INPP5F: variants seen among roughly 807,000 people sequenced by gnomAD.
The protein encoded by INPP5F is inositol polyphosphate-5-phosphatase F, also known as phosphatidylinositide 4-phosphatase SAC2.
In INPP5F, 97 loss-of-function variants were observed where a neutral mutation model predicts 137.2. The observed-to-expected ratio is 0.71, with a 90% confidence interval of 0.60 to 0.84. The LOEUF (loss-of-function observed/expected upper bound fraction) is 0.84. Among genes scored for constraint, INPP5F ranks in the 40% least tolerant of loss-of-function variants. The probability of loss-of-function intolerance (pLI) is 0.00; values close to 1 mark genes in which losing one functional copy is unlikely to be tolerated. For synonymous variants in INPP5F, 504 were observed against 476.9 expected (o/e 1.06, Z -0.74); for missense variants, 1,271 against 1,371.9 (o/e 0.93, Z 1.16).
At chr10:119,749,852 C>T (rs1004114174) in intron 1 of INPP5F, among the ~76,000 whole-genome samples, 1 of 152,168 alleles carries the variant, frequency 6.6e-6, no homozygotes, top group African/African-American at 2.4e-5. Flanking sequence ...GATCTTGGCT[C>T]GCTGCAACCT....
chr10:119,773,138 C>T (rs1439065019), intron 2 of INPP5F, among the ~76,000 whole-genome samples: 1 of 152,016 alleles, frequency 6.6e-6, no homozygotes, highest in Non-Finnish European at 1.5e-5. Context: ...CTTACTGCAA[C>T]CTTCGCCTCC....
intron 12 of INPP5F, among the ~76,000 whole-genome samples, chr10:119,807,637 T>C (rs953764704): frequency 4.6e-5 from 7 of 152,222 alleles, no homozygotes; most frequent in East Asian, 1.9e-4. Context: ...TTTTTTGATA[T>C]TCAGTTTCAC....
rs536701327 is a variant in INPP5F, at chr10:119,758,160, T to C, written c.178+7004T>C. Among the ~76,000 whole-genome samples, 40 of 152,358 alleles carry C rather than the reference T, an allele frequency of 2.6e-4. No homozygotes were observed. The South Asian group carries it at 8.1e-3, about 31-fold the overall frequency. On this transcript the variant is annotated intron_variant, in intron 2 of 19. Coordinates refer to ENST00000650623, the MANE Select transcript of INPP5F (RefSeq NM_014937.4). ...TCACACAGTTTTACCATTAAAAATG[T>C]AATCATCTGAAGACAAGTGTGGGGT...
intron 2 of INPP5F, among the ~76,000 whole-genome samples, chr10:119,780,636 G>A (rs1476072776): frequency 2.0e-5 from 3 of 152,050 alleles, no homozygotes; most frequent in Non-Finnish European, 4.4e-5. Flanking sequence ...ATGTACAGTC[G>A]GCCCTGTGTA....
At chr10:119,785,284 C>CTTTTTTTTTTTTTTTTTTT (rs1440327192) in intron 3 of INPP5F, among the ~76,000 whole-genome samples, 2 of 81,608 alleles carry the variant, frequency 2.5e-5, no homozygotes, top group East Asian at 3.1e-4. Flanking sequence ...AACTGCCAGA[C>CTTTTTTTTTTTTTTTTTTT]TGTTTTTTTT....
intron 6 of INPP5F, among the ~76,000 whole-genome samples, chr10:119,794,406 C>G (rs1481969066): frequency 6.6e-6 from 1 of 152,072 alleles, no homozygotes; most frequent in Non-Finnish European, 1.5e-5. Flanking sequence ...TGAAAAGTCT[C>G]CCACGTCTAC....
chr10:119,766,950 T>C (rs1001103610), intron 2 of INPP5F, among the ~76,000 whole-genome samples: 1 of 151,038 alleles, frequency 6.6e-6, no homozygotes, highest in Non-Finnish European at 1.5e-5. Flanking sequence ...ACTAAAAATA[T>C]GAAAATTAGC....
intron 15 of INPP5F, chr10:119,819,218 CTTTTT>C (rs869037124): frequency 7.0e-5 from 2 of 28,588 alleles, no homozygotes; most frequent in African/African-American, 2.0e-4. Context: ...ATTGAACGTG[CTTTTT>C]TTTTTTTTTT....
chr10:119,780,871 A>T (rs1273976091), intron 2 of INPP5F, among the ~76,000 whole-genome samples: 4 of 152,198 alleles, frequency 2.6e-5, no homozygotes, highest in Non-Finnish European at 5.9e-5. Flanking sequence ...GGTTATATAC[A>T]AATACTACAC....
intron 6 of INPP5F, among the ~76,000 whole-genome samples, chr10:119,795,980 A>ACTC (rs1850364953): frequency 6.7e-6 from 1 of 149,730 alleles, no homozygotes; most frequent in Non-Finnish European, 1.5e-5. Flanking sequence ...CGGCAGGCTG[A>ACTC]GGCAGGAGAA....
chr10:119,770,012 A>G (rs1365967333), intron 2 of INPP5F, among the ~76,000 whole-genome samples: 1 of 152,206 alleles, frequency 6.6e-6, no homozygotes, highest in African/African-American at 2.4e-5. Flanking sequence ...TTTATCCTAC[A>G]GTTGCTCATC....
intron 2 of INPP5F, among the ~76,000 whole-genome samples, chr10:119,763,345 G>C (rs189128064): frequency 6.6e-6 from 1 of 152,148 alleles, no homozygotes; most frequent in Non-Finnish European, 1.5e-5. Context: ...CTATCCTCAC[G>C]GCATCTGGCA....
chr10:119,729,082 T>G (rs1160207920), intron 1 of INPP5F, among the ~76,000 whole-genome samples: 1 of 152,170 alleles, frequency 6.6e-6, no homozygotes, highest in East Asian at 1.9e-4. Context: ...TATCATTGCC[T>G]TAAAAATAAG....
rs755439970 is a variant in INPP5F at position 119,826,800 on chromosome 10, A to G, written c.2419A>G (p.Thr807Ala). 1.2e-6 allele frequency: 2 copies of G among 1,613,786 alleles called. No homozygotes were observed. Among genetic ancestry groups the G allele is most frequent in the East Asian group, 4.5e-5 (2 of 44,890 alleles). The change falls in exon 20 of 20, where the codon ACC becomes GCC. Residue 807 changes from threonine (T) to alanine (A), a missense_variant. Around this residue, in one of 6 missense-constraint regions of INPP5F, gnomAD observed 490 missense variants for 443.7 expected, o/e 1.10. Transcript: ENST00000650623. ...IGNLRKLGNF[T>A]KPEMKVNFLK... ...CAACCTCCGAAAGCTAGGAAACTTT[A>G]CCAAACCTGAAATGAAAGTTAACTT... is the stretch of plus-strand genomic sequence containing the variant.
At chr10:119,751,367 C>T (rs2134124999) in intron 2 of INPP5F, among the ~76,000 whole-genome samples, 2 of 152,296 alleles carry the variant, frequency 1.3e-5, no homozygotes, top group South Asian at 4.1e-4. Context: ...AAAGAGTAAT[C>T]ATGGAAATAA....
chr10:119,820,396 A>G (rs1851507887), intron 15 of INPP5F, among the ~76,000 whole-genome samples: 1 of 152,244 alleles, frequency 6.6e-6, no homozygotes, highest in Admixed American at 6.5e-5. Context: ...AAGTCTTTCA[A>G]AAGATGCCTT....
chr10:119,827,097 C>T lies in INPP5F; in HGVS notation c.2716C>T (p.Gln906Ter). 2 of 1,614,206 alleles carry T rather than the reference C, an allele frequency of 1.2e-6. No individual in the cohort carries two copies. Among genetic ancestry groups the T allele is most frequent in the South Asian group, 1.1e-5 (1 of 91,084 alleles). Residue 906 changes from glutamine (Q) to a stop codon, truncating the protein, a stop_gained, in exon 20 of 20, where the codon CAG becomes TAG. Coordinates refer to ENST00000650623, the MANE Select transcript of INPP5F (RefSeq NM_014937.4). LOFTEE classifies it high-confidence loss of function. ...AGCGCCTCGATTGGGCAGTCGGTCC[C>T]AGTCTCTTAGCAGCACAGATAGTAG... ...ASAPRLGSRSQSLSSTDSSVH... is the reference protein window; with the variant it reads ...ASAPRLGSRS
In INPP5F at chr10:119,828,170, T is replaced by C. The variant is rs759390840; in HGVS notation, c.*390T>C. 1.6e-4 allele frequency: 26 copies of C among 165,562 alleles called. No homozygotes were observed. Among genetic ancestry groups the C allele is most frequent in the Non-Finnish European group, 2.9e-4 (22 of 76,030 alleles). The allele number at this position is 165,562 out of a possible 1,614,324, so 10.3% of individuals were successfully genotyped here. A position where few individuals can be genotyped will look rare whatever the true frequency, so the allele number is the denominator to read the frequency against. ...TAATTTGTTCTGTTTGTCAGTTCAT[T>C]CCTGTGTGTTCTTACCTCTACAAAG... On this transcript the variant is annotated 3_prime_UTR_variant, in exon 20 of 20. Transcript: ENST00000650623.
chr10:119,796,868 C>T lies in INPP5F; in HGVS notation c.823C>T (p.Arg275Ter), dbSNP rs889388292. Reference protein sequence around the residue: ...ESTCVDDIHPRFLVALISRRS... With the variant: ...ESTCVDDIHP Reference sequence around the variant, plus strand: ...CACCTGTGTAGATGATATTCACCCACGATTTCTAGTGGCTCTCATTTCACG... The same window carrying T: ...CACCTGTGTAGATGATATTCACCCATGATTTCTAGTGGCTCTCATTTCACG... The change falls in exon 7 of 20, where the codon CGA becomes TGA. Residue 275 changes from arginine to a stop codon, truncating the protein, a stop_gained. Transcript: ENST00000650623. LOFTEE classifies it high-confidence loss of function. The T allele has an allele frequency of 3.1e-6, 5 of 1,614,094 alleles. No individual in the cohort carries two copies. The highest frequency in any genetic ancestry group is 4.2e-6 in the Non-Finnish European group (5 of 1,180,008).
Sources: gnomAD v4.1 joint callset for allele counts (sites outside exome capture counted in the v4.1 genomes callset) on GRCh38, gnomAD v4.1.1 for gene constraint, gnomAD v4.1.1 regional missense constraint, MANE v1.5 for transcripts, NCBI Gene and HGNC (gene_info 2026-07-23, HGNC 2026-07-21) for gene names.